Variants in GORASP1 observed in about 807,000 individuals in gnomAD.
The protein encoded by GORASP1 is golgi reassembly stacking protein 1.
In GORASP1, 31 loss-of-function variants were observed where a neutral mutation model predicts 37.7. The observed-to-expected ratio is 0.82, with a 90% CI of 0.62 to 1.11. GORASP1 has a LOEUF of 1.11. Among genes scored for constraint, GORASP1 ranks in the 50% least tolerant of loss-of-function variants. The pLI is 0.00. For missense variants in GORASP1, 476 were observed against 560.7 expected (o/e 0.85, Z 1.53); for synonymous variants, 204 against 224.8 (o/e 0.91, Z 0.83).
chr3:39,099,556 G>A (rs747893192), intron 6 of GORASP1, 53 bp from the exon 7 acceptor site: 18 of 1,567,364 alleles, frequency 1.1e-5, no homozygotes, highest in Non-Finnish European at 1.5e-5. Context: ...GCCTCAAGGT[G>A]AAGAATTTTG....
rs371785122 is a variant in GORASP1 at position 39,106,894 on chromosome 3, C to A, written c.63+585G>T. On this transcript the variant is annotated intron_variant, in intron 1 of 8. Transcript: ENST00000319283. ...ACCCTCCCCAGCTGCAAACGCTCTC[C>A]TCGAGGATTCTGCAGCACTCTCCCG... The A allele has an allele frequency of 8.3e-5, 25 of 302,726 alleles. No homozygotes were observed. The East Asian group carries it at 2.3e-3, about 28-fold the overall frequency. The allele number at this position is 302,726 out of a possible 1,614,324, so 18.8% of individuals were successfully genotyped here. A position where few individuals can be genotyped will look rare whatever the true frequency, so the allele number is the denominator to read the frequency against.
At position 39,098,844 on chromosome 3, in the gene GORASP1, A is replaced by C; in HGVS notation, c.966T>G (p.Ser322Arg). ...GISLLDNSNA[S>R]VWPSLPSSTE... Reference sequence around the variant, plus strand: ...TGGAAGAGGGCAGGCTGGGCCACACACTGGCATTGCTGTTGTCCAAGAGAG... The same window carrying C: ...TGGAAGAGGGCAGGCTGGGCCACACCCTGGCATTGCTGTTGTCCAAGAGAG... The change falls in exon 8 of 9, where the codon AGT (serine) becomes AGG (arginine). Residue 322 changes from serine (S) to arginine (R), a missense_variant. Physicochemically the swap from Ser to Arg is moderately radical, Grantham distance 110. Transcript: ENST00000319283. This position sits in a 1 kb window ranked among gnomAD's most constrained non-coding sequence, Gnocchi z 4.7. The C allele has an allele frequency of 1.9e-6, 3 of 1,614,148 alleles. No homozygotes were observed. The highest frequency in any genetic ancestry group is 2.5e-6 in the Non-Finnish European group (3 of 1,179,998).
At chr3:39,107,205 C>A in intron 1 of GORASP1, 2 of 535,114 alleles carry the variant, frequency 3.7e-6, no homozygotes, top group Non-Finnish European at 7.2e-6. Context: ...CCATTCCCGG[C>A]GGCCGGACCA....
Position 39,099,368 on chromosome 3 carries a change from G to T in GORASP1, c.901C>A (p.Arg301=). The T allele has an allele frequency of 6.2e-7, 1 of 1,613,262 alleles. No individual in the cohort carries two copies. Among genetic ancestry groups the T allele is most frequent in the African/African-American group, 1.3e-5 (1 of 74,980 alleles). ...TPLQPPPPVQ[R]VMDPGFLDVS... ...TGCCCAGTACCTGGGTCCATAACTC[G>T]CTGCACTGGAGGTGGGGGCTGAAGA... The change falls in exon 7 of 9, where the codon CGA becomes AGA. Residue 301 remains arginine, a synonymous_variant. Coordinates refer to ENST00000319283, the MANE Select transcript of GORASP1 (RefSeq NM_031899.4).
At chr3:39,106,263 ATCCCTGG>A (rs2036067940) in intron 1 of GORASP1, among the ~76,000 whole-genome samples, 1 of 152,120 alleles carries the variant, frequency 6.6e-6, no homozygotes, top group Non-Finnish European at 1.5e-5. Flanking sequence ...ACAACCTCTG[ATCCCTGG>A]TCCCTCTCCA....
Position 39,107,547 on chromosome 3 carries a change from C to G in GORASP1, c.-6G>C. The G allele has an allele frequency of 3.4e-6, 5 of 1,488,964 alleles. No individual in the cohort carries two copies. Among genetic ancestry groups the G allele is most frequent in the Non-Finnish European group, 3.5e-6 (4 of 1,129,726 alleles). The allele number at this position is 1,488,964 out of a possible 1,614,324, so 92.2% of individuals were successfully genotyped here. A position where few individuals can be genotyped will look rare whatever the true frequency, so the allele number is the denominator to read the frequency against. On this transcript the variant is annotated 5_prime_UTR_variant, in exon 1 of 9. Transcript: ENST00000319283. ...GCGCTGACGCCCAGGCCCATGGCAG[C>G]GGCTCCGCTCGGCACCCAGGTCCAG...
rs2125699862 is a variant in GORASP1 at position 39,100,250 on chromosome 3, A to C, written c.765+55T>G. The C allele has an allele frequency of 6.6e-7, 1 of 1,519,206 alleles. No individual in the cohort carries two copies. The highest frequency in any genetic ancestry group is 9.1e-7 in the Non-Finnish European group (1 of 1,094,570). 94.1% of individuals were successfully genotyped at this position (1,519,206 alleles called of 1,614,324 possible). A position where few individuals can be genotyped will look rare whatever the true frequency, so the allele number is the denominator to read the frequency against. The stretch of plus-strand genomic sequence containing the variant: ...TGGTGAGGGTTGCTGATGGCTCCCC[A>C]AGGGCAGCCTCTAGAGTTTTCTGTC... On this transcript the variant is annotated intron_variant, in intron 6 of 8. Transcript: ENST00000319283. This position sits in a 1 kb window ranked among gnomAD's most constrained non-coding sequence, Gnocchi z 4.6.
chr3:39,099,110 C>T (rs1431700762), intron 7 of GORASP1: 14 of 779,974 alleles, frequency 1.8e-5, no homozygotes, highest in Non-Finnish European at 3.1e-5. Context: ...GTGAATAGCA[C>T]AGTGGCAGTA....
At chr3:39,099,864 T>C (rs2035585818) in intron 6 of GORASP1, among the ~76,000 whole-genome samples, 1 of 152,228 alleles carries the variant, frequency 6.6e-6, no homozygotes, top group South Asian at 2.1e-4. Context: ...GAATACTCCC[T>C]GGCCTAGACC....
rs1457281896 is a variant in GORASP1 at position 39,106,993 on chromosome 3, G to A, written c.63+486C>T. 9 of 448,734 alleles carry A rather than the reference G, an allele frequency of 2.0e-5. 1 individual carries two copies. Among genetic ancestry groups the A allele is most frequent in the South Asian group, 9.5e-5 (6 of 63,412 alleles). 27.8% of individuals were successfully genotyped at this position (448,734 alleles called of 1,614,324 possible). ...CCCTCGGAAGCCCTTACGACCCTAC[G>A]ACTGGCAGGACGCGCGCCGACGGGC... On this transcript the variant is annotated intron_variant, in intron 1 of 8. Coordinates refer to ENST00000319283, the MANE Select transcript of GORASP1 (RefSeq NM_031899.4).
In GORASP1 at chr3:39,105,816, C is replaced by G. The variant is rs964198967; in HGVS notation, c.63+1663G>C. 6.6e-6 allele frequency among the ~76,000 whole-genome samples: 1 copy of G among 152,186 alleles called. No homozygotes were observed. Among genetic ancestry groups the G allele is most frequent in the East Asian group, 1.9e-4 (1 of 5,192 alleles). On this transcript the variant is annotated intron_variant, in intron 1 of 8. Coordinates refer to ENST00000319283, the MANE Select transcript of GORASP1 (RefSeq NM_031899.4). This position sits in a 1 kb window ranked among gnomAD's most constrained non-coding sequence, Gnocchi z 5.4. Reference sequence around the variant, plus strand: ...CCTACACGGTCTGCTCTGGTCTCCTCCTCACACTGGCCACACCATCCAAGC... The same window carrying G: ...CCTACACGGTCTGCTCTGGTCTCCTGCTCACACTGGCCACACCATCCAAGC...
rs1460239779 is a variant in GORASP1 at position 39,100,778 on chromosome 3, T to A, written c.535A>T (p.Thr179Ser). The A allele has an allele frequency of 6.2e-7, 1 of 1,613,986 alleles. No individual in the cohort carries two copies. The highest frequency in any genetic ancestry group is 1.3e-5 in the African/African-American group (1 of 74,984). ...KSDSCREVTVTPNAAWGGEGS... is the reference protein window; with the variant it reads ...KSDSCREVTVSPNAAWGGEGS... The stretch of plus-strand genomic sequence containing the variant: ...TCTCCACCCCAGGCTGCGTTGGGAG[T>A]TACAGTCACCTCCCGGCAGGAGTCT... The change falls in exon 5 of 9, where the codon ACT becomes TCT. Residue 179 changes from threonine (T) to serine (S), a missense_variant. Physicochemically the swap from Thr to Ser is moderately conservative, Grantham distance 58 (BLOSUM62 1). Transcript: ENST00000319283. This position sits in a 1 kb window ranked among gnomAD's most constrained non-coding sequence, Gnocchi z 4.6.
rs1292269885 is a variant in GORASP1 at position 39,105,323 on chromosome 3, C to G, written c.64-1770G>C. Among the ~76,000 whole-genome samples the G allele has an allele frequency of 6.6e-6, 1 of 152,132 alleles. No homozygotes were observed. The highest frequency in any genetic ancestry group is 1.5e-5 in the Non-Finnish European group (1 of 68,030). Reference sequence around the variant, plus strand: ...CCAAGGCCCTATAGTGCTGCTTTTCCTCATGCTCCCACCCTATTTTTCCCA... The same window carrying G: ...CCAAGGCCCTATAGTGCTGCTTTTCGTCATGCTCCCACCCTATTTTTCCCA... On this transcript the variant is annotated intron_variant, in intron 1 of 8. Transcript: ENST00000319283. The surrounding 1 kb of genome is among the most constrained non-coding windows in gnomAD (Gnocchi z 5.4).
At chr3:39,106,533 G>A (rs1222716259) in intron 1 of GORASP1, among the ~76,000 whole-genome samples, 1 of 152,098 alleles carries the variant, frequency 6.6e-6, no homozygotes, top group East Asian at 1.9e-4. Flanking sequence ...GAAACTTTTA[G>A]CCCTCTCATG....
Position 39,098,211 on chromosome 3 carries a change from A to G in GORASP1, c.*25T>C, listed in dbSNP as rs1167154607. On this transcript the variant is annotated 3_prime_UTR_variant, in exon 9 of 9. Transcript: ENST00000319283. The surrounding 1 kb of genome is among the most constrained non-coding windows in gnomAD (Gnocchi z 4.7). ...CATCTGGGCCTCATGAAATGTCATC[A>G]TGGGCCTTGTCACAGCCCAGGGTGT... 3 of 1,608,380 alleles carry G rather than the reference A, an allele frequency of 1.9e-6. No homozygotes were observed. Among genetic ancestry groups the G allele is most frequent in the South Asian group, 1.1e-5 (1 of 90,554 alleles).
chr3:39,100,453 G>C lies in GORASP1; in HGVS notation c.617C>G (p.Pro206Arg). 1 of 1,606,792 alleles carries C rather than the reference G, an allele frequency of 6.2e-7. No individual in the cohort carries two copies. Among genetic ancestry groups the C allele is most frequent in the Non-Finnish European group, 8.5e-7 (1 of 1,176,328 alleles). The change falls in exon 6 of 9, where the codon CCC (proline) becomes CGC (arginine). Residue 206 changes from proline to arginine, a missense_variant. Pro to Arg is a moderately radical substitution (Grantham distance 103, BLOSUM62 -2). Transcript: ENST00000319283. This position sits in a 1 kb window ranked among gnomAD's most constrained non-coding sequence, Gnocchi z 4.6. ...YGYLHRIPTQPPSYHKKPPGT... is the reference protein window; with the variant it reads ...YGYLHRIPTQRPSYHKKPPGT... ...AGGTGGCTTCTTGTGGTAGCTGGGGGGCTGAGTTGGGATCCGGTGTAGATA... is the reference window on the plus strand; with the variant it reads ...AGGTGGCTTCTTGTGGTAGCTGGGGCGCTGAGTTGGGATCCGGTGTAGATA...
At position 39,102,188 on chromosome 3, in the gene GORASP1, C is replaced by T. The variant is rs1488358997; in HGVS notation, c.348+490G>A. On this transcript the variant is annotated intron_variant, in intron 3 of 8. Transcript: ENST00000319283. This position sits in a 1 kb window ranked among gnomAD's most constrained non-coding sequence, Gnocchi z 5.0. ...ATGTTACTATACTGAGTACTGTAGG[C>T]AACTGTAACACAATTAAGTATCTGT... is the stretch of plus-strand genomic sequence containing the variant. Among the ~76,000 whole-genome samples the T allele has an allele frequency of 2.6e-5, 4 of 152,130 alleles. No individual in the cohort carries two copies. The highest frequency in any genetic ancestry group is 9.7e-5 in the African/African-American group (4 of 41,414).
chr3:39,107,235 G>A (rs557935107), intron 1 of GORASP1: 4 of 536,778 alleles, frequency 7.5e-6, no homozygotes, highest in African/African-American at 3.9e-5. Flanking sequence ...TCCGCTTCCG[G>A]CACTGCTGGC....
At chr3:39,101,897 G>A (rs941763946) in intron 3 of GORASP1, among the ~76,000 whole-genome samples, 3 of 152,228 alleles carry the variant, frequency 2.0e-5, no homozygotes, top group African/African-American at 7.2e-5. Flanking sequence ...CAGGTGTTGG[G>A]TGTGCATGTG....
Sources: gnomAD v4.1 joint callset for allele counts (sites outside exome capture counted in the v4.1 genomes callset) on GRCh38, gnomAD v4.1.1 for gene constraint, Gnocchi (gnomAD v3.1) non-coding constraint, MANE v1.5 for transcripts, NCBI Gene and HGNC (gene_info 2026-07-23, HGNC 2026-07-21) for gene names.